The following SH3TC2 variants were observed in gnomAD, a reference collection of about 807,000 sequenced individuals.
SH3TC2 encodes SH3 domain and tetratricopeptide repeat-containing protein 2.
Under a neutral mutation model 124.5 loss-of-function variants are expected in SH3TC2, and 87 were observed. The ratio of observed to expected loss-of-function variants is 0.70; its 90% CI spans 0.59 to 0.84. SH3TC2 has a LOEUF of 0.84. Among genes scored for constraint, SH3TC2 ranks in the 40% least tolerant of loss-of-function variants. The probability of loss-of-function intolerance (pLI) is 0.00; values close to 1 mark genes in which losing one functional copy is unlikely to be tolerated. For missense variants in SH3TC2, 1,536 were observed against 1,566.4 expected (o/e 0.98, Z 0.33); for synonymous variants, 634 against 628.5 (o/e 1.01, Z -0.13).
chr5:149,023,753 T>C (rs1470896448), intron 12 of SH3TC2, among the ~76,000 whole-genome samples: 1 of 151,820 alleles, frequency 6.6e-6, no homozygotes, highest in African/African-American at 2.4e-5. Context: ...TGGCTAACTT[T>C]TTTGTATCTT....
chr5:149,011,862 G>C (rs1416109360), intron 13 of SH3TC2, among the ~76,000 whole-genome samples: 1 of 152,188 alleles, frequency 6.6e-6, no homozygotes, highest in Non-Finnish European at 1.5e-5. Flanking sequence ...TGTACAGATA[G>C]TAATAAAACA....
At chr5:149,031,746 T>C in intron 8 of SH3TC2, 59 bp from the exon 9 acceptor site, 6 of 1,609,060 alleles carry the variant, frequency 3.7e-6, no homozygotes, top group Non-Finnish European at 5.1e-6. Flanking sequence ...CTCCATCTCC[T>C]CTTCTCTCCA....
chr5:149,021,888 T>TC, intron 12 of SH3TC2, among the ~76,000 whole-genome samples: 1 of 9,650 alleles, frequency 1.0e-4, no homozygotes, highest in Non-Finnish European at 1.7e-4. Flanking sequence ...CTCTTTCTTT[T>TC]TTTTTTTTTT....
Position 148,988,638 on chromosome 5 carries a change from G to A in SH3TC2, c.*16073C>T, listed in dbSNP as rs1053352608. Among the ~76,000 whole-genome samples, 8 of 152,150 alleles carry A rather than the reference G, an allele frequency of 5.3e-5. No individual in the cohort carries two copies. Among genetic ancestry groups the A allele is most frequent in the Non-Finnish European group, 1.2e-4 (8 of 68,022 alleles). On this transcript the variant is annotated 3_prime_UTR_variant, in exon 17 of 17. Coordinates refer to ENST00000515425, the MANE Select transcript of SH3TC2 (RefSeq NM_024577.4). ...ACTGCAAGCATCAACTGTTAGCCCC[G>A]TGAGGAAGCCATCTTCGATGCCCAG...
chr5:149,002,751 A>C lies in SH3TC2; in HGVS notation c.*1960T>G, dbSNP rs1426283067. The C allele has an allele frequency of 6.6e-6, 1 of 151,854 alleles. No individual in the cohort carries two copies. The highest frequency in any genetic ancestry group is 2.4e-5 in the African/African-American group (1 of 41,094). 9.4% of individuals were successfully genotyped at this position (151,854 alleles called of 1,614,324 possible). On this transcript the variant is annotated 3_prime_UTR_variant, in exon 17 of 17. Transcript: ENST00000515425. ...AAAGGAGCAAGGGTGAACCACCTGC[A>C]TCAGGCTTGCTTGAGTTGCTTTCTA...
intron 9 of SH3TC2, 34 bp downstream of exon 9, chr5:149,031,520 A>G: frequency 6.2e-7 from 1 of 1,614,038 alleles, no homozygotes; most frequent in East Asian, 2.2e-5. Flanking sequence ...TGAGGACCCC[A>G]GGCTTTTGAA....
In SH3TC2 at chr5:148,998,890, G is replaced by C. The variant is rs534006437; in HGVS notation, c.*5821C>G. On this transcript the variant is annotated 3_prime_UTR_variant, in exon 17 of 17. Transcript: ENST00000515425. ...GGGTACATATCAGGAAATATATGCT[G>C]TCCCACCGAAGAGGGAAGACCGCCA... Among the ~76,000 whole-genome samples the C allele has an allele frequency of 2.0e-5, 3 of 152,248 alleles. No homozygotes were observed. The South Asian group carries it at 6.2e-4, about 32-fold the overall frequency.
At position 148,998,275 on chromosome 5, in the gene SH3TC2, C is replaced by A. The variant is rs11168079; in HGVS notation, c.*6436G>T. Among the ~76,000 whole-genome samples the A allele has an allele frequency of 0.18, 27,985 of 152,174 alleles. 2,747 individuals carry two copies. The highest frequency in any genetic ancestry group is 0.24 in the East Asian group (1,259 of 5,176). ...AACATAACAACAAAAAAGGATTTGA[C>A]AGCCACTACCCTAGTCTGATTCAGA... On this transcript the variant is annotated 3_prime_UTR_variant, in exon 17 of 17. Transcript: ENST00000515425.
At chr5:149,047,459 T>A in intron 3 of SH3TC2, 1 of 254,792 alleles carries the variant, frequency 3.9e-6, no homozygotes, top group East Asian at 9.5e-5. Flanking sequence ...ACTTAAAAAA[T>A]GATTAAAATG....
rs1319686109 is a variant in SH3TC2 at position 148,998,624 on chromosome 5, G to A, written c.*6087C>T. 6.6e-6 allele frequency among the ~76,000 whole-genome samples: 1 copy of A among 152,204 alleles called. No individual in the cohort carries two copies. The highest frequency in any genetic ancestry group is 1.5e-5 in the Non-Finnish European group (1 of 68,042). On this transcript the variant is annotated 3_prime_UTR_variant, in exon 17 of 17. Coordinates refer to ENST00000515425, the MANE Select transcript of SH3TC2 (RefSeq NM_024577.4). The stretch of plus-strand genomic sequence containing the variant: ...CCTGCCTCGCAGTCTGTACTGGGAA[G>A]CCAAGCCAAGCAGCCCCACTGTGCA...
chr5:149,034,428 G>A (rs757446177), intron 8 of SH3TC2: 4 of 355,904 alleles, frequency 1.1e-5, no homozygotes, highest in South Asian at 6.8e-5. Flanking sequence ...TAAAAAGAAC[G>A]AGAGAGAGGC....
intron 14 of SH3TC2, among the ~76,000 whole-genome samples, chr5:149,009,632 C>T (rs116405252): frequency 0.012 from 1,764 of 152,150 alleles, 35 homozygotes; most frequent in African/African-American, 0.04. Context: ...TAAAATTTTA[C>T]GATCAAATTA....
At position 148,986,098 on chromosome 5, in the gene SH3TC2, A is replaced by G. The variant is rs894257960; in HGVS notation, c.*18613T>C. On this transcript the variant is annotated 3_prime_UTR_variant, in exon 17 of 17. Coordinates refer to ENST00000515425, the MANE Select transcript of SH3TC2 (RefSeq NM_024577.4). ...TAAGTAAGGCTGTTTTGATCCAATT[A>G]TAATCAATTTTCACTCACTAAGGCC... Among the ~76,000 whole-genome samples the G allele has an allele frequency of 6.6e-6, 1 of 152,206 alleles. No individual in the cohort carries two copies. Among genetic ancestry groups the G allele is most frequent in the Non-Finnish European group, 1.5e-5 (1 of 68,024 alleles).
At chr5:149,039,636 A>T (rs957306962) in intron 7 of SH3TC2, among the ~76,000 whole-genome samples, 1 of 152,212 alleles carries the variant, frequency 6.6e-6, no homozygotes, top group African/African-American at 2.4e-5. Context: ...TATGGATGTC[A>T]TTTTGTTTGG....
Position 149,027,591 on chromosome 5 carries a change from A to G in SH3TC2, c.2141T>C (p.Val714Ala), listed in dbSNP as rs534980232. The change falls in exon 11 of 17, where the codon GTC becomes GCC. Residue 714 changes from valine to alanine, a missense_variant. Val to Ala is a moderately conservative substitution (Grantham distance 64). Transcript: ENST00000515425. ...MSLPIWQVHL[V>A]LQNTTKLLGF... ...AAGGAGCTTGGTTGTGTTCTGGAGG[A>G]CAAGGTGGACCTGCCAAATAGGAAG... 2.5e-6 allele frequency: 4 copies of G among 1,614,242 alleles called. No individual in the cohort carries two copies. In the South Asian group the frequency reaches 3.3e-5, roughly 13 times the overall value.
chr5:149,051,192 G>A (rs895192520), intron 2 of SH3TC2, among the ~76,000 whole-genome samples: 2 of 152,108 alleles, frequency 1.3e-5, no homozygotes, highest in South Asian at 2.1e-4. Context: ...GGGCTTCATC[G>A]ATGTCTTTTA....
At position 149,012,671 on chromosome 5, in the gene SH3TC2, C is replaced by G. The variant is rs367877915; in HGVS notation, c.3117G>C (p.Glu1039Asp). Residue 1039 changes from glutamate (E) to aspartate (D), a missense_variant, in exon 13 of 17, where the codon GAG (glutamate) becomes GAC (aspartate). Transcript: ENST00000515425. The part of the protein sequence containing the change: ...ESLRIFIDLG[E>D]TDKAAEAWLG... ...GCCAGGCCTCAGCAGCCTTGTCTGT[C>G]TCCCCCAGGTCAATGAAGATACGCA... 3.1e-6 allele frequency: 5 copies of G among 1,614,202 alleles called. No individual in the cohort carries two copies. The highest frequency in any genetic ancestry group is 4.2e-6 in the Non-Finnish European group (5 of 1,180,032).
At position 148,995,638 on chromosome 5, in the gene SH3TC2, C is replaced by G. The variant is rs886060150; in HGVS notation, c.*9073G>C. On this transcript the variant is annotated 3_prime_UTR_variant, in exon 17 of 17. Transcript: ENST00000515425. Reference sequence around the variant, plus strand: ...TTATATTATAGTTTTAAAACTTTCTCCCTGAAGGTCAAAACCCAAGTCCAA... The same window carrying G: ...TTATATTATAGTTTTAAAACTTTCTGCCTGAAGGTCAAAACCCAAGTCCAA... 3.3e-5 allele frequency among the ~76,000 whole-genome samples: 5 copies of G among 152,128 alleles called. No homozygotes were observed. Among genetic ancestry groups the G allele is most frequent in the Non-Finnish European group, 1.5e-5 (1 of 68,024 alleles).
At position 148,993,887 on chromosome 5, in the gene SH3TC2, T is replaced by C. The variant is rs1333951760; in HGVS notation, c.*10824A>G. On this transcript the variant is annotated 3_prime_UTR_variant, in exon 17 of 17. Transcript: ENST00000515425. ...TCTTCTGAAATGTCTGTCAACACAA[T>C]AACAATAATAGCCAACACTTATATA... Among the ~76,000 whole-genome samples the C allele has an allele frequency of 1.3e-5, 2 of 152,216 alleles. No individual in the cohort carries two copies. Among genetic ancestry groups the C allele is most frequent in the African/African-American group, 4.8e-5 (2 of 41,466 alleles).
Sources: gnomAD v4.1 joint callset for allele counts (sites outside exome capture counted in the v4.1 genomes callset) on GRCh38, gnomAD v4.1.1 for gene constraint, MANE v1.5 for transcripts, NCBI Gene and HGNC (gene_info 2026-07-23, HGNC 2026-07-21) for gene names.